BLM: variants seen among roughly 807,000 people sequenced by gnomAD.
The protein encoded by BLM is recQ-like DNA helicase BLM.
In BLM, 95 loss-of-function variants were observed where a neutral mutation model predicts 135.3. That is an observed-to-expected ratio of 0.70 (90% CI 0.59 to 0.83). The LOEUF (loss-of-function observed/expected upper bound fraction) is 0.83, where lower values mean the gene tolerates loss of function less well. BLM is among the 40% of genes least tolerant of loss of function. The pLI is 0.00. For synonymous variants in BLM, 520 were observed against 589.2 expected (o/e 0.88, Z 1.70); for missense variants, 1,518 against 1,663.9 (o/e 0.91, Z 1.53).
chr15:90,792,094 C>T lies in BLM; in HGVS notation c.3019+1250C>T, dbSNP rs28532672. ...TTCTTCTGAGACCACTTTTTTTTTT[C>T]TTTTTTTTTTTTTTGAGACGGAGTC... On this transcript the variant is annotated intron_variant, in intron 15 of 21. Coordinates refer to ENST00000355112, the MANE Select transcript of BLM (RefSeq NM_000057.4). Among the ~76,000 whole-genome samples, 1,156 of 134,440 alleles carry T rather than the reference C, an allele frequency of 8.6e-3. 9 individuals carry two copies. Among genetic ancestry groups the T allele is most frequent in the Middle Eastern group, 0.012 (3 of 256 alleles). The allele number at this position is 134,440 out of a possible 152,430, so 88.2% of individuals were successfully genotyped here.
At chr15:90,736,552 C>T (rs1895222453) in intron 1 of BLM, among the ~76,000 whole-genome samples, 1 of 152,156 alleles carries the variant, frequency 6.6e-6, no homozygotes, top group African/African-American at 2.4e-5. Flanking sequence ...AGCCACCGTG[C>T]CCGGCCTTAC....
intron 1 of BLM, among the ~76,000 whole-genome samples, chr15:90,729,948 C>A (rs942077682): frequency 6.6e-6 from 1 of 152,010 alleles, no homozygotes; most frequent in Non-Finnish European, 1.5e-5. Context: ...CGGGTTCAAG[C>A]GATTCTCCTG....
chr15:90,754,854 C>T lies in BLM; in HGVS notation c.1003C>T (p.Leu335Phe). The change falls in exon 5 of 22, where the codon CTT (leucine) becomes TTT (phenylalanine). Residue 335 changes from leucine to phenylalanine, a missense_variant. Transcript: ENST00000355112. The stretch of plus-strand genomic sequence containing the variant: ...CACCTCTGACAGAAAAGAGGATGTT[C>T]TTAGCACATCAAAAGATCTTTTGTC... ...LDTSDRKEDV[L>F]STSKDLLSKP... 1.2e-6 allele frequency: 2 copies of T among 1,613,846 alleles called. No homozygotes were observed. Among genetic ancestry groups the T allele is most frequent in the Non-Finnish European group, 1.7e-6 (2 of 1,179,902 alleles).
At chr15:90,759,265 A>G (rs1485204778) in intron 5 of BLM, among the ~76,000 whole-genome samples, 3 of 152,120 alleles carry the variant, frequency 2.0e-5, no homozygotes, top group Non-Finnish European at 4.4e-5. Flanking sequence ...TGTGACTTTC[A>G]AAATCTTAAG....
At chr15:90,729,315 TAAATAAATA>T (rs1407998300) in intron 1 of BLM, among the ~76,000 whole-genome samples, 6 of 152,014 alleles carry the variant, frequency 3.9e-5, no homozygotes, top group Non-Finnish European at 8.8e-5. Context: ...AGTTTCAAAA[TAAATAAATA>T]AAATAAATAA....
In BLM at chr15:90,815,681, C is replaced by A; in HGVS notation, c.*402C>A. ...GGGGAAAAGAGGAGAAAATATATTA[C>A]AAAGGATTAGTATCCATCATACCAA... is the stretch of plus-strand genomic sequence containing the variant. On this transcript the variant is annotated 3_prime_UTR_variant, in exon 22 of 22. Coordinates refer to ENST00000355112, the MANE Select transcript of BLM (RefSeq NM_000057.4). This position sits in a 1 kb window ranked among gnomAD's most constrained non-coding sequence, Gnocchi z 4.6. 3.7e-6 allele frequency: 1 copy of A among 271,912 alleles called. No individual in the cohort carries two copies. Among genetic ancestry groups the A allele is most frequent in the South Asian group, 4.3e-5 (1 of 23,474 alleles). 16.8% of individuals were successfully genotyped at this position (271,912 alleles called of 1,614,324 possible). A position where few individuals can be genotyped will look rare whatever the true frequency, so the allele number is the denominator to read the frequency against.
In BLM at chr15:90,730,612, TAA is replaced by T. The variant is rs555773769; in HGVS notation, c.-5+13173_-5+13174del. Among the ~76,000 whole-genome samples the T allele has an allele frequency of 7.3e-3, 1,107 of 152,082 alleles. 2 individuals carry two copies. The highest frequency in any genetic ancestry group is 0.012 in the Non-Finnish European group (808 of 67,984). The stretch of plus-strand genomic sequence containing the variant: ...TAGAGGCTGCGTCACTGCGCCCAGC[TAA>T]TTTTTGTATTTTAGGTAGAGACAGG... On this transcript the variant is annotated intron_variant, in intron 1 of 21. Transcript: ENST00000355112.
Position 90,782,341 on chromosome 15 carries a change from T to C in BLM, c.2556-481T>C, listed in dbSNP as rs28745028. Among the ~76,000 whole-genome samples the C allele has an allele frequency of 2.7e-3, 405 of 152,246 alleles. 2 individuals are homozygous for C. Among genetic ancestry groups the C allele is most frequent in the African/African-American group, 9.1e-3 (376 of 41,532 alleles). ...AGGCAGAGGTTGTAGTGAGCCAAGA[T>C]TGTGCCACTGCACTCCAGCCTGGGC... On this transcript the variant is annotated intron_variant, in intron 12 of 21. Coordinates refer to ENST00000355112, the MANE Select transcript of BLM (RefSeq NM_000057.4).
At chr15:90,781,264 G>A (rs531694496) in intron 12 of BLM, among the ~76,000 whole-genome samples, 23 of 152,234 alleles carry the variant, frequency 1.5e-4, no homozygotes, top group African/African-American at 5.1e-4. Flanking sequence ...TGTATCCTGG[G>A]GTGTCCAATC....
chr15:90,810,348 C>T (rs1237805140), intron 20 of BLM, among the ~76,000 whole-genome samples: 2 of 152,148 alleles, frequency 1.3e-5, no homozygotes, highest in South Asian at 2.1e-4. Flanking sequence ...AGCCACCACA[C>T]CTGGTCAGGT....
intron 4 of BLM, among the ~76,000 whole-genome samples, chr15:90,752,980 T>G (rs774007192): frequency 6.6e-5 from 10 of 152,234 alleles, no homozygotes; most frequent in Non-Finnish European, 1.0e-4. Context: ...TCATACTGAT[T>G]CCTTGTTGAA....
At chr15:90,808,358 TC>T (rs1199357918) in intron 19 of BLM, among the ~76,000 whole-genome samples, 2 of 152,220 alleles carry the variant, frequency 1.3e-5, no homozygotes, top group East Asian at 3.9e-4. Flanking sequence ...GGTTACTCCC[TC>T]ACTACCCAGA....
At chr15:90,736,776 C>G (rs1895229542) in intron 1 of BLM, among the ~76,000 whole-genome samples, 2 of 152,032 alleles carry the variant, frequency 1.3e-5, no homozygotes, top group South Asian at 4.1e-4. Context: ...AGCGTACATA[C>G]AGTGTGCTAT....
At chr15:90,752,053 C>T in intron 4 of BLM, 107 bp downstream of exon 4, 6 of 1,088,148 alleles carry the variant, frequency 5.5e-6, no homozygotes, top group Non-Finnish European at 7.8e-6. Flanking sequence ...GTGCTTTCTA[C>T]AATTATTTTA....
intron 12 of BLM, among the ~76,000 whole-genome samples, chr15:90,774,414 G>A (rs1324974782): frequency 1.3e-5 from 2 of 151,946 alleles, no homozygotes; most frequent in Non-Finnish European, 2.9e-5. Flanking sequence ...TGTGGGGGTT[G>A]CAGTTTTTCC....
intron 1 of BLM, among the ~76,000 whole-genome samples, chr15:90,745,463 G>T (rs1895475350): frequency 6.6e-6 from 1 of 152,142 alleles, no homozygotes. Context: ...AGGCTGGAGT[G>T]CAGTGGCACA....
chr15:90,775,232 A>T (rs1440344645), intron 12 of BLM, among the ~76,000 whole-genome samples: 2 of 152,132 alleles, frequency 1.3e-5, no homozygotes, highest in East Asian at 3.9e-4. Flanking sequence ...TGAAGTTTAT[A>T]CTAGTTCCTG....
At chr15:90,791,931 C>T (rs566431235) in intron 15 of BLM, among the ~76,000 whole-genome samples, 3 of 151,800 alleles carry the variant, frequency 2.0e-5, no homozygotes, top group South Asian at 2.1e-4. Flanking sequence ...TGAGCCACCA[C>T]GCCCGGCCTT....
chr15:90,785,208 A>T, intron 14 of BLM, 127 bp downstream of exon 14: 10 of 1,103,966 alleles, frequency 9.1e-6, no homozygotes, highest in Non-Finnish European at 1.3e-5. Context: ...ACTGAAATTT[A>T]AAAAACAGAT....
Sources: allele counts gnomAD v4.1 joint callset (sites outside exome capture counted in the v4.1 genomes callset), GRCh38; gene constraint gnomAD v4.1.1; non-coding constraint Gnocchi (gnomAD v3.1); transcripts MANE v1.5; gene names NCBI Gene and HGNC (gene_info 2026-07-23, HGNC 2026-07-21).